Variants in HDAC9 observed in about 807,000 individuals in gnomAD.
The protein encoded by HDAC9 is MEF-2 interacting transcription repressor (MITR) protein.
A neutral mutation model predicts 139.4 loss-of-function variants in HDAC9; 41 were observed. That is an observed-to-expected ratio of 0.29 (90% CI 0.23 to 0.38). The LOEUF is 0.38. Among genes scored for constraint, HDAC9 ranks in the 10% least tolerant of loss-of-function variants. The pLI, the probability that HDAC9 is intolerant of heterozygous loss-of-function variation, is 1.00. For missense variants in HDAC9, 1,147 were observed against 1,297.0 expected (o/e 0.88, Z 1.78); for synonymous variants, 517 against 476.2 (o/e 1.09, Z -1.12).
intron 1 of HDAC9, among the ~76,000 whole-genome samples, chr7:18,160,259 G>A (rs13241354): frequency 1.1e-4 from 17 of 152,152 alleles, no homozygotes; most frequent in East Asian, 5.8e-4. Flanking sequence ...CTTTCTATTC[G>A]TTATTCTTAA....
At chr7:18,122,151 G>C (rs191374576) in intron 1 of HDAC9, among the ~76,000 whole-genome samples, 1 of 152,306 alleles carries the variant, frequency 6.6e-6, no homozygotes, top group East Asian at 1.9e-4. Context: ...AAGGTTGGGA[G>C]AGCTTAAGTT....
intron 17 of HDAC9, among the ~76,000 whole-genome samples, chr7:18,794,998 CATT>C (rs757313432): frequency 6.6e-6 from 1 of 152,092 alleles, no homozygotes; most frequent in Non-Finnish European, 1.5e-5. Context: ...TCAGAAGCAT[CATT>C]ATTAGCTTCA....
chr7:18,243,370 A>G (rs1270038173), intron 2 of HDAC9, among the ~76,000 whole-genome samples: 1 of 152,206 alleles, frequency 6.6e-6, no homozygotes, highest in Non-Finnish European at 1.5e-5. Flanking sequence ...TCTTCCTCTT[A>G]GAGTTAGAAT....
At chr7:18,386,123 C>T (rs572334495) in intron 1 of HDAC9, among the ~76,000 whole-genome samples, 1 of 152,176 alleles carries the variant, frequency 6.6e-6, no homozygotes, top group African/African-American at 2.4e-5. Context: ...CATTCAGGCT[C>T]AGCTTAACTC....
At chr7:18,458,162 C>G (rs1793512656) in intron 1 of HDAC9, among the ~76,000 whole-genome samples, 1 of 152,184 alleles carries the variant, frequency 6.6e-6, no homozygotes, top group Non-Finnish European at 1.5e-5. Flanking sequence ...AAAAGAGACG[C>G]TCACCCTCTC....
At chr7:18,975,744 G>C in intron 24 of HDAC9, 62 bp from the exon 25 acceptor site, 8 of 1,487,016 alleles carry the variant, frequency 5.4e-6, no homozygotes, top group Non-Finnish European at 6.5e-6. Flanking sequence ...ACGTATGTGA[G>C]TATTCTGATT....
At chr7:18,851,783 C>T (rs189143316) in intron 21 of HDAC9, among the ~76,000 whole-genome samples, 45 of 152,302 alleles carry the variant, frequency 3.0e-4, no homozygotes, top group Non-Finnish European at 4.0e-4. Flanking sequence ...TCTAATTATT[C>T]CTGTCTTGTA....
At chr7:18,636,979 C>T (rs1219581772) in intron 8 of HDAC9, among the ~76,000 whole-genome samples, 1 of 151,720 alleles carries the variant, frequency 6.6e-6, no homozygotes, top group African/African-American at 2.4e-5. Context: ...CTAATCAGTC[C>T]CTGGATGGAT....
intron 2 of HDAC9, among the ~76,000 whole-genome samples, chr7:18,176,682 G>A (rs1788932897): frequency 6.6e-6 from 1 of 152,168 alleles, no homozygotes; most frequent in Admixed American, 6.5e-5. Flanking sequence ...AGAGGTACAT[G>A]TGCAGATTTG....
intron 21 of HDAC9, among the ~76,000 whole-genome samples, chr7:18,841,757 A>G (rs1223871034): frequency 6.6e-6 from 1 of 152,070 alleles, no homozygotes; most frequent in African/African-American, 2.4e-5. Context: ...AGTGCCCCAA[A>G]ATTGAAAATT....
intron 2 of HDAC9, among the ~76,000 whole-genome samples, chr7:18,273,695 A>G (rs1025528247): frequency 6.6e-6 from 1 of 152,234 alleles, no homozygotes; most frequent in Non-Finnish European, 1.5e-5. Flanking sequence ...GGAAGGGATT[A>G]TAATTATGAA....
chr7:18,480,389 A>C (rs1465522769), intron 1 of HDAC9, among the ~76,000 whole-genome samples: 1 of 152,214 alleles, frequency 6.6e-6, no homozygotes, highest in Non-Finnish European at 1.5e-5. Context: ...ACTGAAGTGT[A>C]ATCAGAGACA....
In HDAC9 at chr7:18,095,772, A is replaced by G. The variant is rs556574597; in HGVS notation, c.-97+8559A>G. Among the ~76,000 whole-genome samples the G allele has an allele frequency of 6.6e-5, 10 of 152,376 alleles. No homozygotes were observed. The South Asian group carries it at 2.1e-3, about 32-fold the overall frequency. ...GAATATAAACAACAGAATTGATGAA[A>G]TTAAAAGAAACAACATTGAACTCTG... On this transcript the variant is annotated intron_variant, in intron 1 of 12. Coordinates refer to the HDAC9 transcript ENST00000417496.
intron 16 of HDAC9, among the ~76,000 whole-genome samples, chr7:18,774,838 C>G (rs1161486371): frequency 6.6e-6 from 1 of 152,020 alleles, no homozygotes; most frequent in Non-Finnish European, 1.5e-5. Context: ...GCATTCACAA[C>G]TTGGCTAACT....
intron 11 of HDAC9, among the ~76,000 whole-genome samples, chr7:18,658,264 A>G (rs1180852353): frequency 4.6e-5 from 7 of 152,128 alleles, no homozygotes; most frequent in African/African-American, 1.7e-4. Flanking sequence ...GGCCTGGCAT[A>G]TAGTAAACGC....
At chr7:18,171,502 G>C (rs1391659086) in intron 2 of HDAC9, among the ~76,000 whole-genome samples, 1 of 152,186 alleles carries the variant, frequency 6.6e-6, no homozygotes, top group African/African-American at 2.4e-5. Context: ...AGTGGTGAGA[G>C]AGGGCATCCC....
At chr7:18,662,485 CAG>C (rs1246247650) in intron 11 of HDAC9, among the ~76,000 whole-genome samples, 1 of 151,894 alleles carries the variant, frequency 6.6e-6, no homozygotes, top group African/African-American at 2.4e-5. Context: ...AGCATTCCAG[CAG>C]AGAGGGGATC....
At chr7:18,926,021 A>G (rs1804192972) in intron 22 of HDAC9, among the ~76,000 whole-genome samples, 1 of 151,998 alleles carries the variant, frequency 6.6e-6, no homozygotes, top group Non-Finnish European at 1.5e-5. Flanking sequence ...TTATATCTAG[A>G]TCTGTAATTG....
intron 22 of HDAC9, among the ~76,000 whole-genome samples, chr7:18,896,267 T>C (rs1801190584): frequency 6.6e-6 from 1 of 152,138 alleles, no homozygotes; most frequent in Non-Finnish European, 1.5e-5. Context: ...TGAAGATTTA[T>C]TAGCATTTGA....
Sources: gnomAD v4.1 joint callset for allele counts (sites outside exome capture counted in the v4.1 genomes callset) on GRCh38, gnomAD v4.1.1 for gene constraint, MANE v1.5 for transcripts, NCBI Gene and HGNC (gene_info 2026-07-23, HGNC 2026-07-21) for gene names.